Variants in PCID2 observed in about 807,000 individuals in gnomAD.
PCID2 encodes the protein PCI domain-containing protein 2.
In PCID2, 41 loss-of-function variants were observed where a neutral mutation model predicts 61.3. That is an observed-to-expected ratio of 0.67 (90% CI 0.52 to 0.87). The LOEUF (loss-of-function observed/expected upper bound fraction) is 0.87, where lower values mean the gene tolerates loss of function less well. PCID2 is among the 40% of genes least tolerant of loss of function. The pLI, the probability that PCID2 is intolerant of heterozygous loss-of-function variation, is 0.00. For synonymous variants in PCID2, 187 were observed against 177.8 expected, an observed-to-expected ratio of 1.05 and a Z score of -0.41; for missense variants, 392 against 493.4, an observed-to-expected ratio of 0.79 and a Z score of 1.95.
the PCID2 span, chr13:113,165,090 T>C: frequency 5.0e-6 from 8 of 1,612,756 alleles, no homozygotes; most frequent in Non-Finnish European, 6.8e-6. Context: ...CTGAGAAGCG[T>C]GCACCGGATC....
rs758729051 is a variant in PCID2, at chr13:113,185,567, G to A, written c.468-7C>T. On this transcript the variant is annotated splice_region_variant and splice_polypyrimidine_tract_variant and intron_variant, in intron 7 of 13. Transcript: ENST00000337344. ...GTCCTCTATACCAGCACGGCTATGGGGAAATAATTTTTTTTAAGTTACATA... is the reference window on the plus strand; with the variant it reads ...GTCCTCTATACCAGCACGGCTATGGAGAAATAATTTTTTTTAAGTTACATA... 1.9e-6 allele frequency: 3 copies of A among 1,589,076 alleles called. No individual in the cohort carries two copies. Among genetic ancestry groups the A allele is most frequent in the South Asian group, 2.3e-5 (2 of 88,640 alleles).
chr13:113,178,204 C>A lies in PCID2; in HGVS notation c.1194G>T (p.Val398=), dbSNP rs148086877. 5 of 1,612,746 alleles carry A rather than the reference C, an allele frequency of 3.1e-6. No homozygotes were observed. The South Asian group carries it at 4.4e-5, about 14-fold the overall frequency. The part of the protein sequence containing the change: ...KQNPFPPLST[V]C ...CTCGGGGCTCCGTGTACTTTCAACA[C>A]ACCGTGGACAGGGGAGGAAATGGGT... The change falls in exon 14 of 14, where the codon GTG becomes GTT. Residue 398 remains valine, a synonymous_variant. Transcript: ENST00000337344.
chr13:113,181,078 T>C, intron 10 of PCID2, 52 bp downstream of exon 10: 1 of 1,231,930 alleles, frequency 8.1e-7, no homozygotes, highest in South Asian at 1.2e-5. Flanking sequence ...CTATCAGCTG[T>C]CAACTTTGTG....
At chr13:113,171,603 G>A in the PCID2 span, 6 of 1,614,122 alleles carry the variant, frequency 3.7e-6, no homozygotes, top group East Asian at 1.3e-4. This position sits in a 1 kb window ranked among gnomAD's most constrained non-coding sequence, Gnocchi z 5.1. Context: ...GATTTTAACA[G>A]AACGAGCCAA....
At chr13:113,207,537 T>C (rs2139010215) in intron 1 of PCID2, among the ~76,000 whole-genome samples, 1 of 152,330 alleles carries the variant, frequency 6.6e-6, no homozygotes, top group African/African-American at 2.4e-5. Context: ...AGTATAGAAC[T>C]TGAGGTAAGT....
chr13:113,193,752 A>T (rs552121336), intron 6 of PCID2, among the ~76,000 whole-genome samples: 1 of 152,214 alleles, frequency 6.6e-6, no homozygotes, highest in East Asian at 1.9e-4. Context: ...GTTCTTCTTT[A>T]TATCGCCTAT....
chr13:113,200,316 A>T (rs73581011), intron 2 of PCID2, 111 bp downstream of exon 2: 6 of 694,692 alleles, frequency 8.6e-6, no homozygotes, highest in African/African-American at 7.2e-5. Flanking sequence ...AAATTTTCAA[A>T]TAAGAGTGAC....
At chr13:113,178,317 A>C (rs760478580) in intron 13 of PCID2, 30 bp from the exon 14 acceptor site, 44 of 1,543,156 alleles carry the variant, frequency 2.9e-5, no homozygotes, top group Admixed American at 6.7e-5. Context: ...GAATGCGTTT[A>C]CATTTTTGGA....
chr13:113,180,275 A>G (rs768953195), intron 10 of PCID2, 44 bp from the exon 11 acceptor site: 1 of 1,418,334 alleles, frequency 7.1e-7, no homozygotes, highest in Non-Finnish European at 9.9e-7. Context: ...CATTTTTGAC[A>G]AAATTGTCCT....
At chr13:113,167,179 TA>T in the PCID2 span, among the ~76,000 whole-genome samples, 1 of 152,208 alleles carries the variant, frequency 6.6e-6, no homozygotes, top group Non-Finnish European at 1.5e-5. Flanking sequence ...GAAGTATCAC[TA>T]AAAGTCTGGC....
chr13:113,167,732 A>C, the PCID2 span, among the ~76,000 whole-genome samples: 3 of 152,208 alleles, frequency 2.0e-5, no homozygotes, highest in African/African-American at 4.8e-5. Context: ...ATTTTTATCC[A>C]GTGTGAAAAA....
chr13:113,175,017 G>A (rs139615567), downstream of PCID2, among the ~76,000 whole-genome samples: 3 of 152,302 alleles, frequency 2.0e-5, no homozygotes, highest in East Asian at 5.8e-4. Flanking sequence ...CCCCCACGCT[G>A]TTCTCGTGAC....
intron 9 of PCID2, among the ~76,000 whole-genome samples, chr13:113,182,245 G>A (rs2037705744): frequency 6.6e-6 from 1 of 152,154 alleles, no homozygotes; most frequent in South Asian, 2.1e-4. Context: ...CCTAAACTAT[G>A]TGGCCACATT....
chr13:113,207,967 G>A (rs973994915), intron 1 of PCID2: 8 of 1,448,832 alleles, frequency 5.5e-6, no homozygotes, highest in Non-Finnish European at 6.8e-6. Context: ...TTAGTGGAAA[G>A]AATATGCGTT....
chr13:113,183,935 A>T (rs971387878), intron 9 of PCID2: 3 of 985,292 alleles, frequency 3.0e-6, no homozygotes, highest in Non-Finnish European at 3.6e-6. Context: ...CCCTGCTTCT[A>T]AGTCATCTCC....
At chr13:113,170,462 T>C in the PCID2 span, 11 of 1,611,304 alleles carry the variant, frequency 6.8e-6, no homozygotes, top group Admixed American at 1.5e-4. Context: ...GGTGTTATAA[T>C]ACGGGAAAAT....
intron 1 of PCID2, among the ~76,000 whole-genome samples, chr13:113,201,608 G>A (rs963988776): frequency 5.3e-5 from 8 of 152,008 alleles, no homozygotes; most frequent in African/African-American, 1.7e-4. Flanking sequence ...TCAGAAGATC[G>A]AGACCCTCCT....
chr13:113,206,436 G>T (rs2039829977), intron 1 of PCID2, among the ~76,000 whole-genome samples: 1 of 152,150 alleles, frequency 6.6e-6, no homozygotes, highest in South Asian at 2.1e-4. Context: ...GATAAAGAAG[G>T]GATGGATCTG....
At chr13:113,208,477 C>T (rs2040121123) in intron 1 of PCID2, 122 bp downstream of exon 1, 7 of 1,535,588 alleles carry the variant, frequency 4.6e-6, no homozygotes, top group Admixed American at 3.9e-5. Flanking sequence ...CGCCGGGGAC[C>T]CGAACGGAAG....
Sources: gnomAD v4.1 joint callset for allele counts (sites outside exome capture counted in the v4.1 genomes callset) on GRCh38, gnomAD v4.1.1 for gene constraint, Gnocchi (gnomAD v3.1) non-coding constraint, MANE v1.5 for transcripts, NCBI Gene and HGNC (gene_info 2026-07-23, HGNC 2026-07-21) for gene names.